SPO11: variants seen among roughly 807,000 people sequenced by gnomAD.
The protein encoded by SPO11 is SPO11 initiator of meiotic double strand breaks.
In SPO11, 49 loss-of-function variants were observed where a neutral mutation model predicts 51.6. That is an observed-to-expected ratio of 0.95 (90% CI 0.75 to 1.20). SPO11 has a LOEUF of 1.20. Among genes scored for constraint, SPO11 ranks in the 50% most tolerant of loss-of-function variants. SPO11 has a pLI of 0.00. For synonymous variants in SPO11, 176 were observed against 158.2 expected (o/e 1.11, Z -0.84); for missense variants, 431 against 473.4 (o/e 0.91, Z 0.83).
intron 2 of SPO11, 32 bp downstream of exon 2, chr20:57,331,978 C>T: frequency 8.0e-7 from 1 of 1,242,836 alleles, no homozygotes; most frequent in Non-Finnish European, 1.2e-6. Flanking sequence ...TTTTTAAATG[C>T]AATATCTATG....
In SPO11 at chr20:57,333,099, A is replaced by G. The variant is rs1600677694; in HGVS notation, c.246-89A>G. The G allele has an allele frequency of 7.7e-6, 7 of 911,080 alleles. No homozygotes were observed. In the East Asian group the frequency reaches 1.8e-4, roughly 23 times the overall value. The allele number at this position is 911,080 out of a possible 1,614,324, so 56.4% of individuals were successfully genotyped here. A position where few individuals can be genotyped will look rare whatever the true frequency, so the allele number is the denominator to read the frequency against. Reference sequence around the variant, plus strand: ...AATTGAGAAGAAATGTGGGTTTTAAATGATGTGCAGAAGACCATAAGTATA... The same window carrying G: ...AATTGAGAAGAAATGTGGGTTTTAAGTGATGTGCAGAAGACCATAAGTATA... On this transcript the variant is annotated intron_variant, in intron 2 of 12. Coordinates refer to ENST00000371263, the MANE Select transcript of SPO11 (RefSeq NM_012444.3).
intron 11 of SPO11, among the ~76,000 whole-genome samples, chr20:57,341,799 A>G (rs929322668): frequency 6.6e-6 from 1 of 152,242 alleles, no homozygotes; most frequent in African/African-American, 2.4e-5. Flanking sequence ...GATAATTAGT[A>G]AGGTGAATAG....
chr20:57,334,068 A>G lies in SPO11; in HGVS notation c.483A>G (p.Leu161=). 1 of 1,584,846 alleles carries G rather than the reference A, an allele frequency of 6.3e-7. No homozygotes were observed. The highest frequency in any genetic ancestry group is 8.6e-7 in the Non-Finnish European group (1 of 1,162,614). The part of the protein sequence containing the change: ...DNIINDISCM[L]KVSRRSLHIL... ...TTATCAATGACATTTCTTGCATGTT[A>G]AAAGTGTCAAGGAGGAGTCTACATA... Residue 161 remains leucine (L), a synonymous_variant, in exon 5 of 13, where the codon TTA becomes TTG. Coordinates refer to ENST00000371263, the MANE Select transcript of SPO11 (RefSeq NM_012444.3).
chr20:57,338,633 C>T (rs552902271), intron 9 of SPO11, among the ~76,000 whole-genome samples: 7 of 151,882 alleles, frequency 4.6e-5, no homozygotes, highest in East Asian at 1.9e-4. Flanking sequence ...TTAGTAGAGA[C>T]GGGGTTTTAC....
rs776421375 is a variant in SPO11 at position 57,343,477 on chromosome 20, C to T, written c.*17C>T. ...TGGATATAAAAATAAATCAGAAGAA[C>T]TTCTGATTGCCAGAGGCTTTTCATT... On this transcript the variant is annotated 3_prime_UTR_variant, in exon 13 of 13. Transcript: ENST00000371263. 3.6e-5 allele frequency: 57 copies of T among 1,582,054 alleles called. No individual in the cohort carries two copies. The Middle Eastern group carries it at 6.8e-4, about 19-fold the overall frequency.
In SPO11 at chr20:57,331,948, TG is replaced by T; in HGVS notation, c.245+5del. On this transcript the variant is annotated splice_donor_region_variant and intron_variant, in intron 2 of 12. Transcript: ENST00000371263. ...CAGATCAAGCTGGGAAAACATAAAG[TG>T]GGCATTTTGCATTTTTATTTTTTAA... 1.3e-6 allele frequency: 2 copies of T among 1,547,700 alleles called. No individual in the cohort carries two copies. Among genetic ancestry groups the T allele is most frequent in the South Asian group, 1.2e-5 (1 of 82,050 alleles).
intron 1 of SPO11, 60 bp downstream of exon 1, chr20:57,330,058 C>T: frequency 6.7e-7 from 1 of 1,501,168 alleles, no homozygotes; most frequent in Non-Finnish European, 8.9e-7. Context: ...GGGCGCTCTT[C>T]CTGGCCCCGG....
At chr20:57,339,985 T>G (rs2066561049) in intron 10 of SPO11, 117 bp from the exon 11 acceptor site, 1 of 695,190 alleles carries the variant, frequency 1.4e-6, no homozygotes, top group Non-Finnish European at 2.6e-6. Context: ...GCTCTGGGCA[T>G]GTGAAGCCAG....
In SPO11 at chr20:57,342,733, A is replaced by T. The variant is rs917705756; in HGVS notation, c.964A>T (p.Asn322Tyr). The stretch of plus-strand genomic sequence containing the variant: ...TTTTCACCTACTTTTTTCCAGATTA[A>T]ATGTACCTAAAGATAGTTTGATTCC... Reference protein sequence around the residue: ...GLLPSDLKRLNVPKDSLIPLT... With the variant: ...GLLPSDLKRLYVPKDSLIPLT... Residue 322 changes from asparagine to tyrosine, a missense_variant, in exon 12 of 13, where the codon AAT (asparagine) becomes TAT (tyrosine). By Grantham distance (143) the Asn-to-Tyr change is moderately radical (BLOSUM62 -2). Around this residue, in one of 3 missense-constraint regions of SPO11, gnomAD observed 405 missense variants for 425.9 expected, o/e 0.95. Coordinates refer to ENST00000371263, the MANE Select transcript of SPO11 (RefSeq NM_012444.3). The T allele has an allele frequency of 6.2e-7, 1 of 1,606,078 alleles. No homozygotes were observed. Among genetic ancestry groups the T allele is most frequent in the Non-Finnish European group, 8.5e-7 (1 of 1,174,356 alleles).
chr20:57,335,374 G>GATAAACTAAAAAT, intron 6 of SPO11, 45 bp from the exon 7 acceptor site: 1 of 1,511,670 alleles, frequency 6.6e-7, no homozygotes, highest in East Asian at 2.3e-5. Context: ...CTAAAAATGT[G>GATAAACTAAAAAT]GTTATTTTGC....
rs1465329969 is a variant in SPO11, at chr20:57,343,656, C to T, written c.*196C>T. On this transcript the variant is annotated 3_prime_UTR_variant, in exon 13 of 13. Coordinates refer to ENST00000371263, the MANE Select transcript of SPO11 (RefSeq NM_012444.3). ...TTTCTTTGCAAGGCCTTATTCTTGC[C>T]TCTATAGAGACAGATTTCTGTCCTA... The T allele has an allele frequency of 6.8e-6, 3 of 443,956 alleles. No homozygotes were observed. Among genetic ancestry groups the T allele is most frequent in the African/African-American group, 4.1e-5 (2 of 48,384 alleles). 27.5% of individuals were successfully genotyped at this position (443,956 alleles called of 1,614,324 possible).
intron 1 of SPO11, among the ~76,000 whole-genome samples, chr20:57,331,009 A>T (rs987345392): frequency 6.6e-6 from 1 of 152,144 alleles, no homozygotes; most frequent in Admixed American, 6.5e-5. Context: ...ACAAGTTTTC[A>T]GTAAAAATTC....
At chr20:57,338,154 G>A in intron 8 of SPO11, 122 bp from the exon 9 acceptor site, 4 of 745,808 alleles carry the variant, frequency 5.4e-6, no homozygotes, top group East Asian at 2.8e-5. Flanking sequence ...GCCTCCCAAC[G>A]TGCTGGGATT....
intron 12 of SPO11, 21 bp downstream of exon 12, chr20:57,342,861 C>T: frequency 6.6e-7 from 1 of 1,514,960 alleles, no homozygotes. Flanking sequence ...TTTTACAACT[C>T]AAGTGTTGCA....
In SPO11 at chr20:57,339,059, TA is replaced by T. The variant is rs746582279; in HGVS notation, c.882+34del. The T allele has an allele frequency of 3.7e-6, 5 of 1,353,258 alleles. No individual in the cohort carries two copies. The South Asian group carries it at 5.3e-5, about 14-fold the overall frequency. The allele number at this position is 1,353,258 out of a possible 1,614,324, so 83.8% of individuals were successfully genotyped here. ...TAGAAAAGCAGTTTTCCTTTTTTAT[TA>T]TTTAGACATTTTATATTCATTGAGG... is the stretch of plus-strand genomic sequence containing the variant. On this transcript the variant is annotated intron_variant, in intron 10 of 12. Transcript: ENST00000371263.
rs963848565 is a variant in SPO11, at chr20:57,343,627, C to T, written c.*167C>T. The T allele has an allele frequency of 5.4e-6, 4 of 738,372 alleles. No homozygotes were observed. In the African/African-American group the frequency reaches 5.6e-5, roughly 10 times the overall value. 45.7% of individuals were successfully genotyped at this position (738,372 alleles called of 1,614,324 possible). A position where few individuals can be genotyped will look rare whatever the true frequency, so the allele number is the denominator to read the frequency against. ...TTTTGTCAAAACAAATGCTGTACTC[C>T]AATTTTCTTTGCAAGGCCTTATTCT... is the stretch of plus-strand genomic sequence containing the variant. On this transcript the variant is annotated 3_prime_UTR_variant, in exon 13 of 13. Coordinates refer to ENST00000371263, the MANE Select transcript of SPO11 (RefSeq NM_012444.3).
chr20:57,333,053 A>G (rs575688240), intron 2 of SPO11, 135 bp from the exon 3 acceptor site: 1 of 614,226 alleles, frequency 1.6e-6, no homozygotes, highest in African/African-American at 1.9e-5. Flanking sequence ...AAACCAGTTG[A>G]TCCTAAAGCT....
chr20:57,335,601 G>C (rs1199372215), intron 7 of SPO11, 146 bp downstream of exon 7: 1 of 795,442 alleles, frequency 1.3e-6, no homozygotes, highest in Non-Finnish European at 2.0e-6. Context: ...CCCTTCTTTA[G>C]TACTCTTTTA....
At chr20:57,334,341 G>A (rs567080673) in intron 5 of SPO11, among the ~76,000 whole-genome samples, 1 of 151,862 alleles carries the variant, frequency 6.6e-6, no homozygotes, top group African/African-American at 2.4e-5. Context: ...TTGTTAGTAG[G>A]GACTAGGTTT....
Sources: allele counts gnomAD v4.1 joint callset (sites outside exome capture counted in the v4.1 genomes callset), GRCh38; gene constraint gnomAD v4.1.1; regional missense constraint gnomAD v4.1.1; transcripts MANE v1.5; gene names NCBI Gene and HGNC (gene_info 2026-07-23, HGNC 2026-07-21).